The following SLC29A4 variants were observed in gnomAD, a reference collection of about 807,000 sequenced individuals.
The protein encoded by SLC29A4 is equilibrative nucleoside transporter 4.
Under a neutral mutation model 43.9 loss-of-function variants are expected in SLC29A4, and 36 were observed. The observed-to-expected ratio is 0.82, with a 90% CI of 0.63 to 1.08. The LOEUF (loss-of-function observed/expected upper bound fraction) is 1.08, where lower values mean the gene tolerates loss of function less well. SLC29A4 is among the 50% of genes least tolerant of loss of function. The pLI, the probability that SLC29A4 is intolerant of heterozygous loss-of-function variation, is 0.00. For missense variants in SLC29A4, 869 were observed against 755.3 expected (o/e 1.15, Z -1.77); for synonymous variants, 491 against 338.0 (o/e 1.45, Z -4.97).
At chr7:5,289,816 C>T (rs1489372000) in intron 2 of SLC29A4, among the ~76,000 whole-genome samples, 3 of 152,096 alleles carry the variant, frequency 2.0e-5, no homozygotes, top group African/African-American at 4.8e-5. Context: ...GGTACAACCC[C>T]AGACATGCTG....
intron 6 of SLC29A4, 28 bp from the exon 7 acceptor site, chr7:5,296,908 G>A (rs1785715932): frequency 6.4e-7 from 1 of 1,555,858 alleles, no homozygotes; most frequent in South Asian, 1.2e-5. Context: ...GGCGGATCAG[G>A]CCCCGGCCCA....
chr7:5,292,421 C>T (rs1328494539), intron 5 of SLC29A4, among the ~76,000 whole-genome samples: 2 of 151,958 alleles, frequency 1.3e-5, no homozygotes, highest in East Asian at 3.9e-4. Flanking sequence ...GCCTTTCAAA[C>T]TTTTTTTGAA....
chr7:5,288,167 C>G (rs111491207), intron 2 of SLC29A4, among the ~76,000 whole-genome samples, 182 bp downstream of exon 2: 3,725 of 152,264 alleles, frequency 0.024, 87 homozygotes, highest in South Asian at 0.059. Context: ...GTGTCTCCGC[C>G]CTGATGCTGC....
intron 1 of SLC29A4, among the ~76,000 whole-genome samples, chr7:5,283,385 C>T (rs559026400): frequency 2.6e-5 from 4 of 152,002 alleles, no homozygotes; most frequent in Non-Finnish European, 5.9e-5. Flanking sequence ...CCGGACCCCC[C>T]CGCGCCACCC....
chr7:5,289,485 C>A (rs143256806), intron 2 of SLC29A4, among the ~76,000 whole-genome samples: 2,540 of 152,238 alleles, frequency 0.017, 69 homozygotes, highest in African/African-American at 0.058. Context: ...CTGGAACCCA[C>A]GGGCAGGAGC....
rs778586638 is a variant in SLC29A4 at position 5,288,018 on chromosome 7, GC to G, written c.169+37del. On this transcript the variant is annotated intron_variant, in intron 2 of 10. Transcript: ENST00000396872. Reference sequence around the variant, plus strand: ...GGCGTGCGGGCAAGGTGCGGGTCTTGCCCCAAAGCAGGCTGGGCTGTGTGAC... The same window carrying G: ...GGCGTGCGGGCAAGGTGCGGGTCTTGCCCAAAGCAGGCTGGGCTGTGTGAC... 4.4e-6 allele frequency: 7 copies of G among 1,579,518 alleles called. No homozygotes were observed. The South Asian group carries it at 8.1e-5, about 18-fold the overall frequency.
At chr7:5,287,197 AGGAGTT>A (rs1443941693) in intron 1 of SLC29A4, among the ~76,000 whole-genome samples, 9 of 152,320 alleles carry the variant, frequency 5.9e-5, no homozygotes, top group African/African-American at 1.9e-4. Context: ...AGGCCGAGGC[AGGAGTT>A]GGAGTTGGAG....
At chr7:5,295,853 G>A (rs1458792380) in intron 6 of SLC29A4, among the ~76,000 whole-genome samples, 5 of 152,130 alleles carry the variant, frequency 3.3e-5, no homozygotes, top group Admixed American at 6.5e-5. Flanking sequence ...GAATTGTGCC[G>A]GCACACTGAT....
intron 6 of SLC29A4, among the ~76,000 whole-genome samples, chr7:5,296,509 A>C (rs1307895939): frequency 1.7e-4 from 11 of 65,216 alleles, no homozygotes; most frequent in African/African-American, 6.2e-4. Context: ...AGGGAGCGGC[A>C]GGGGGTGGGG....
At chr7:5,294,457 G>A (rs1367465599) in intron 5 of SLC29A4, among the ~76,000 whole-genome samples, 3 of 152,122 alleles carry the variant, frequency 2.0e-5, no homozygotes, top group African/African-American at 7.2e-5. Context: ...TCTCACTTTT[G>A]CTGCCTGTCT....
chr7:5,301,978 T>G (rs1786198498), intron 10 of SLC29A4, among the ~76,000 whole-genome samples: 2 of 151,486 alleles, frequency 1.3e-5, no homozygotes, highest in African/African-American at 2.4e-5. Flanking sequence ...TTAGATGGAG[T>G]CTTGCTCTGT....
Position 5,302,646 on chromosome 7 carries a change from G to A in SLC29A4, c.1451-151G>A, listed in dbSNP as rs184831299. On this transcript the variant is annotated intron_variant, in intron 10 of 10. Transcript: ENST00000396872. The stretch of plus-strand genomic sequence containing the variant: ...GAAGGAATGAGGAAGGACAGGATCC[G>A]GAGAGGGTGCTCCCAGGAGGAGCGA... 103 of 728,250 alleles carry A rather than the reference G, an allele frequency of 1.4e-4. No homozygotes were observed. The African/African-American group carries it at 1.6e-3, about 12-fold the overall frequency. 45.1% of individuals were successfully genotyped at this position (728,250 alleles called of 1,614,324 possible).
chr7:5,297,766 G>C (rs1312929138), intron 7 of SLC29A4, among the ~76,000 whole-genome samples: 1 of 152,196 alleles, frequency 6.6e-6, no homozygotes, highest in South Asian at 2.1e-4. Context: ...CCAGGAAAGG[G>C]AGTGGTCTCC....
At chr7:5,298,941 T>C in intron 7 of SLC29A4, 47 bp from the exon 8 acceptor site, 9 of 1,583,988 alleles carry the variant, frequency 5.7e-6, no homozygotes, top group African/African-American at 1.3e-5. Context: ...CCGTGTCTCC[T>C]GTCCTCCCTT....
intron 5 of SLC29A4, among the ~76,000 whole-genome samples, chr7:5,292,417 C>G (rs1562446331): frequency 6.6e-6 from 1 of 151,968 alleles, no homozygotes; most frequent in Non-Finnish European, 1.5e-5. Flanking sequence ...CCTGGCCTTT[C>G]AAACTTTTTT....
intron 5 of SLC29A4, among the ~76,000 whole-genome samples, chr7:5,294,382 G>GA (rs1211332228): frequency 6.6e-6 from 1 of 152,156 alleles, no homozygotes; most frequent in Non-Finnish European, 1.5e-5. Context: ...GTTAGGATGA[G>GA]AGGGGTTATT....
chr7:5,301,059 G>A (rs1786125754), intron 10 of SLC29A4, among the ~76,000 whole-genome samples: 1 of 152,124 alleles, frequency 6.6e-6, no homozygotes, highest in Non-Finnish European at 1.5e-5. Context: ...AGGAGTTAAA[G>A]ACCAGCCTGG....
chr7:5,304,791 A>C lies in SLC29A4; in HGVS notation c.*1852A>C, dbSNP rs918006061. Reference sequence around the variant, plus strand: ...AGTGTTGGGATTACAGGTGTGAGCCACTGCACCCGTCCTGTGCCTCATTTT... The same window carrying C: ...AGTGTTGGGATTACAGGTGTGAGCCCCTGCACCCGTCCTGTGCCTCATTTT... On this transcript the variant is annotated 3_prime_UTR_variant, in exon 11 of 11. Coordinates refer to ENST00000396872, the MANE Select transcript of SLC29A4 (RefSeq NM_153247.4). The C allele has an allele frequency of 6.6e-6, 1 of 152,058 alleles. No homozygotes were observed. The highest frequency in any genetic ancestry group is 2.4e-5 in the African/African-American group (1 of 41,356). The allele number at this position is 152,058 out of a possible 1,614,324, so 9.4% of individuals were successfully genotyped here.
In SLC29A4 at chr7:5,299,233, C is replaced by A; in HGVS notation, c.1022-7C>A. The A allele has an allele frequency of 6.2e-7, 1 of 1,608,092 alleles. No individual in the cohort carries two copies. Among genetic ancestry groups the A allele is most frequent in the Non-Finnish European group, 8.5e-7 (1 of 1,176,750 alleles). On this transcript the variant is annotated splice_polypyrimidine_tract_variant and splice_region_variant and intron_variant, in intron 8 of 10. Transcript: ENST00000396872. ...GCTGCCTCTGACCCCCGCCCGCCAC[C>A]CTCCAGCCCTGTTACTGCACCGCTA... is the stretch of plus-strand genomic sequence containing the variant.
Sources: gnomAD v4.1 joint callset for allele counts (sites outside exome capture counted in the v4.1 genomes callset) on GRCh38, gnomAD v4.1.1 for gene constraint, MANE v1.5 for transcripts, NCBI Gene and HGNC (gene_info 2026-07-23, HGNC 2026-07-21) for gene names.